LIN54: variants seen among roughly 807,000 people sequenced by gnomAD.
The protein encoded by LIN54 is lin-54 DREAM MuvB core complex component, also known as protein lin-54 homolog.
A neutral mutation model predicts 78.7 loss-of-function variants in LIN54; 9 were observed. The ratio of observed to expected loss-of-function variants is 0.11; its 90% CI spans 0.07 to 0.20. The LOEUF (loss-of-function observed/expected upper bound fraction) is 0.20, where lower values mean the gene tolerates loss of function less well. Among genes scored for constraint, LIN54 ranks in the 10% least tolerant of loss-of-function variants. The pLI is 1.00. For synonymous variants in LIN54, 269 were observed against 318.4 expected (o/e 0.84, Z 1.65); for missense variants, 573 against 889.9 (o/e 0.64, Z 4.53).
At chr4:83,012,868 T>A (rs948679714), upstream of LIN54, 2 of 150,744 alleles carry the variant, frequency 1.3e-5, no homozygotes, top group East Asian at 4.0e-4. Context: ...CGGCGGCGCC[T>A]CCGAGACACA....
At chr4:82,979,934 T>C (rs1209855510) in intron 2 of LIN54, among the ~76,000 whole-genome samples, 2 of 40,266 alleles carry the variant, frequency 5.0e-5, no homozygotes, top group Admixed American at 4.9e-4. Context: ...AGTGAGACTC[T>C]GTCTCAAAAA....
chr4:82,928,513 C>A (rs541429956), intron 12 of LIN54, among the ~76,000 whole-genome samples: 3 of 152,144 alleles, frequency 2.0e-5, no homozygotes, highest in Non-Finnish European at 4.4e-5. Flanking sequence ...GAATATTGTT[C>A]AGGAAATTTA....
intron 3 of LIN54, 135 bp downstream of exon 3, chr4:82,978,748 C>T (rs935419255): frequency 3.8e-5 from 19 of 499,066 alleles, no homozygotes; most frequent in Non-Finnish European, 6.4e-5. Context: ...GAAGCAAACA[C>T]TTCTTATTAA....
At chr4:82,929,290 TA>T (rs964889710) in intron 12 of LIN54, among the ~76,000 whole-genome samples, 29 of 152,298 alleles carry the variant, frequency 1.9e-4, no homozygotes, top group African/African-American at 7.0e-4. Context: ...TATAATTTTA[TA>T]ATTTTGTTTT....
intron 2 of LIN54, among the ~76,000 whole-genome samples, chr4:82,980,503 A>G (rs946623517): frequency 6.6e-6 from 1 of 152,098 alleles, no homozygotes; most frequent in Non-Finnish European, 1.5e-5. Flanking sequence ...CCTACAATAT[A>G]TTACTTTTTT....
chr4:82,927,444 G>A lies in LIN54; in HGVS notation c.*658C>T, dbSNP rs919762290. ...CATCTGTTAGCCTTTCCTTATTATA[G>A]AAACACATTGCCCATCCTCTGAGAT... is the stretch of plus-strand genomic sequence containing the variant. On this transcript the variant is annotated 3_prime_UTR_variant, in exon 13 of 13. Transcript: ENST00000340417. The A allele has an allele frequency of 1.3e-5, 2 of 152,082 alleles. No individual in the cohort carries two copies. Among genetic ancestry groups the A allele is most frequent in the African/African-American group, 2.4e-5 (1 of 41,404 alleles). 9.4% of individuals were successfully genotyped at this position (152,082 alleles called of 1,614,324 possible).
At chr4:82,950,410 C>T (rs912544536) in intron 4 of LIN54, among the ~76,000 whole-genome samples, 2 of 152,176 alleles carry the variant, frequency 1.3e-5, no homozygotes, top group African/African-American at 2.4e-5. Context: ...TAAGTTACTA[C>T]TTAAAAACTG....
chr4:82,937,105 T>C (rs771072374), intron 9 of LIN54, 122 bp downstream of exon 9: 12 of 729,514 alleles, frequency 1.6e-5, no homozygotes, highest in Non-Finnish European at 2.8e-5. Flanking sequence ...TTCATTTGTA[T>C]GTTTATTTAA....
chr4:82,942,963 A>G (rs537550851), intron 5 of LIN54, among the ~76,000 whole-genome samples: 6 of 151,292 alleles, frequency 4.0e-5, no homozygotes, highest in African/African-American at 1.4e-4. Context: ...ACACTTGCAT[A>G]CTGAGTTTTC....
At chr4:83,004,621 C>T (rs1219195233) in intron 1 of LIN54, among the ~76,000 whole-genome samples, 2 of 143,708 alleles carry the variant, frequency 1.4e-5, no homozygotes, top group African/African-American at 2.4e-5. Context: ...TCCCGAGTAG[C>T]GGGGACTACA....
chr4:82,999,645 G>A (rs986130353), intron 1 of LIN54, among the ~76,000 whole-genome samples: 1 of 151,806 alleles, frequency 6.6e-6, no homozygotes, highest in Admixed American at 6.6e-5. Context: ...GTGCACGGTG[G>A]TACACGCCTG....
At chr4:82,952,357 A>C (rs1723911576) in intron 4 of LIN54, among the ~76,000 whole-genome samples, 1 of 152,240 alleles carries the variant, frequency 6.6e-6, no homozygotes, top group African/African-American at 2.4e-5. Context: ...ATGGCCAATA[A>C]GCACATAAAA....
intron 11 of LIN54, among the ~76,000 whole-genome samples, chr4:82,933,149 A>G (rs1292569827): frequency 4.6e-5 from 7 of 151,782 alleles, no homozygotes; most frequent in African/African-American, 1.7e-4. Flanking sequence ...ATCTAACTAA[A>G]GCAATACTTA....
At chr4:82,955,131 A>G (rs766802104) in intron 4 of LIN54, among the ~76,000 whole-genome samples, 7 of 151,994 alleles carry the variant, frequency 4.6e-5, no homozygotes, top group Non-Finnish European at 1.0e-4. Context: ...TAGCACTTAG[A>G]GAGGCCGAAG....
chr4:82,987,684 TC>T (rs1457147180), intron 1 of LIN54, among the ~76,000 whole-genome samples: 18 of 152,244 alleles, frequency 1.2e-4, no homozygotes, highest in African/African-American at 3.9e-4. Flanking sequence ...TCCAGTTTCA[TC>T]CATGTCTCTG....
In LIN54 at chr4:82,924,784, A is replaced by G. The variant is rs1328203210; in HGVS notation, c.*3318T>C. On this transcript the variant is annotated 3_prime_UTR_variant, in exon 13 of 13. Transcript: ENST00000340417. ...CATGATGAAAATAACTCCAATAGAA[A>G]GGGATTTTTAGTTGATTGCCTTCCC... is the stretch of plus-strand genomic sequence containing the variant. The G allele has an allele frequency of 1.3e-5, 2 of 152,350 alleles. No individual in the cohort carries two copies. The highest frequency in any genetic ancestry group is 2.4e-5 in the African/African-American group (1 of 41,454). The allele number at this position is 152,350 out of a possible 1,614,324, so 9.4% of individuals were successfully genotyped here. A position where few individuals can be genotyped will look rare whatever the true frequency, so the allele number is the denominator to read the frequency against.
intron 1 of LIN54, among the ~76,000 whole-genome samples, chr4:82,985,308 G>A (rs902714408): frequency 6.6e-6 from 1 of 152,146 alleles, no homozygotes; most frequent in Non-Finnish European, 1.5e-5. Flanking sequence ...TTAACATATT[G>A]TAAAATACAT....
intron 1 of LIN54, among the ~76,000 whole-genome samples, chr4:83,001,867 G>A (rs377542272): frequency 0.32 from 2,619 of 8,258 alleles, 1,090 homozygotes; most frequent in East Asian, 0.4. Context: ...AAAAGGATAG[G>A]AAGGAAGGAA....
rs1186809330 is a variant in LIN54 at position 82,937,308 on chromosome 4, T to C, written c.1533-10A>G. ...CTCTGATGGGATTATGCTGTACAGA[T>C]AGAAAAAAAGATATACATTTAATCA... On this transcript the variant is annotated splice_polypyrimidine_tract_variant and intron_variant, in intron 8 of 12. Transcript: ENST00000340417. 3.2e-6 allele frequency: 5 copies of C among 1,541,538 alleles called. No individual in the cohort carries two copies. In the East Asian group the frequency reaches 1.1e-4, roughly 35 times the overall value.
Sources: gnomAD v4.1 joint callset for allele counts (sites outside exome capture counted in the v4.1 genomes callset) on GRCh38, gnomAD v4.1.1 for gene constraint, MANE v1.5 for transcripts, NCBI Gene and HGNC (gene_info 2026-07-23, HGNC 2026-07-21) for gene names.